DPP10: variants seen among roughly 807,000 people sequenced by gnomAD.
The protein encoded by DPP10 is dipeptidyl peptidase like 10.
A neutral mutation model predicts 120.9 loss-of-function variants in DPP10; 33 were observed. That is an observed-to-expected ratio of 0.27 (90% CI 0.21 to 0.37). DPP10 has a LOEUF of 0.37. Ranked by LOEUF, DPP10 falls within the 10% of genes least tolerant of loss-of-function variation. The probability of loss-of-function intolerance (pLI) is 1.00; values close to 1 mark genes in which losing one functional copy is unlikely to be tolerated. For missense variants in DPP10, 816 were observed against 942.8 expected (o/e 0.87, Z 1.76); for synonymous variants, 337 against 326.1 (o/e 1.03, Z -0.36).
intron 21 of DPP10, among the ~76,000 whole-genome samples, chr2:115,834,124 G>A (rs978991689): frequency 2.6e-5 from 4 of 152,106 alleles, no homozygotes; most frequent in Non-Finnish European, 1.5e-5. Context: ...TCAAGCTTCT[G>A]AGTACTATCT....
chr2:114,473,808 CACTG>C (rs1432995390), intron 1 of DPP10, among the ~76,000 whole-genome samples: 3 of 152,068 alleles, frequency 2.0e-5, no homozygotes, highest in Non-Finnish European at 4.4e-5. Context: ...GTAATGTAAA[CACTG>C]ACATTTAGTT....
At chr2:115,288,198 A>AT (rs199630988) in intron 1 of DPP10, among the ~76,000 whole-genome samples, 59 of 149,572 alleles carry the variant, frequency 3.9e-4, no homozygotes, top group African/African-American at 5.6e-4. Flanking sequence ...TTTAATTTAA[A>AT]TTTTTTTTTT....
intron 7 of DPP10, among the ~76,000 whole-genome samples, chr2:115,711,831 A>G (rs577026324): frequency 2.0e-5 from 3 of 151,274 alleles, no homozygotes; most frequent in African/African-American, 7.3e-5. Context: ...TGATCCATAT[A>G]TTAGTTCATT....
rs750467930 is a variant in DPP10 at position 115,162,067 on chromosome 2, G to T, written c.61-147172G>T. 13 of 1,465,846 alleles carry T rather than the reference G, an allele frequency of 8.9e-6. No individual in the cohort carries two copies. In the South Asian group the frequency reaches 1.8e-4, roughly 20 times the overall value. 90.8% of individuals were successfully genotyped at this position (1,465,846 alleles called of 1,614,324 possible). On this transcript the variant is annotated intron_variant, in intron 1 of 25. Transcript: ENST00000410059. ...GCCGCGGCCAGGCCCTCCCGGGAGG[G>T]GTGGCTCCAGTGCGCGCTCCGCCCG...
intron 1 of DPP10, among the ~76,000 whole-genome samples, chr2:114,964,211 G>A (rs1698843895): frequency 6.6e-6 from 1 of 152,134 alleles, no homozygotes; most frequent in African/African-American, 2.4e-5. Context: ...ATTTACAAAT[G>A]GGGAATTATT....
At chr2:115,622,122 A>G (rs745665349) in intron 5 of DPP10, among the ~76,000 whole-genome samples, 1 of 152,094 alleles carries the variant, frequency 6.6e-6, no homozygotes, top group Non-Finnish European at 1.5e-5. Flanking sequence ...CATTTTAACC[A>G]TCTTCTCCCC....
chr2:114,545,899 T>G (rs1436988364), intron 1 of DPP10, among the ~76,000 whole-genome samples: 4 of 152,192 alleles, frequency 2.6e-5, no homozygotes, highest in Non-Finnish European at 5.9e-5. Flanking sequence ...GTCTTTTATC[T>G]TTGCTGCTGC....
chr2:115,584,614 A>G (rs1374970753), intron 5 of DPP10, among the ~76,000 whole-genome samples: 2 of 152,174 alleles, frequency 1.3e-5, no homozygotes, highest in African/African-American at 2.4e-5. Context: ...CTTCCAATGC[A>G]ATATTATGTG....
At chr2:115,339,806 G>A (rs1187161196) in intron 2 of DPP10, among the ~76,000 whole-genome samples, 1 of 152,152 alleles carries the variant, frequency 6.6e-6, no homozygotes, top group Admixed American at 6.6e-5. Flanking sequence ...CAAGGGATTG[G>A]GTGGGGGACT....
At chr2:114,622,433 A>G (rs1221833951) in intron 1 of DPP10, among the ~76,000 whole-genome samples, 1 of 145,834 alleles carries the variant, frequency 6.9e-6, no homozygotes, top group Non-Finnish European at 1.5e-5. Flanking sequence ...TTTTTGCATT[A>G]CTTTACAATT....
intron 1 of DPP10, among the ~76,000 whole-genome samples, chr2:114,475,051 T>C (rs976326294): frequency 2.6e-5 from 4 of 152,232 alleles, no homozygotes; most frequent in African/African-American, 9.6e-5. Flanking sequence ...GGAGAAAGGC[T>C]TCTATAGAGC....
intron 1 of DPP10, among the ~76,000 whole-genome samples, chr2:114,520,697 ATCT>A (rs1174297367): frequency 6.6e-6 from 1 of 152,226 alleles, no homozygotes; most frequent in African/African-American, 2.4e-5. Context: ...AGCTAGTCTA[ATCT>A]TCTCTCTGTC....
chr2:115,377,670 G>T (rs963443102), intron 3 of DPP10, among the ~76,000 whole-genome samples: 14 of 152,080 alleles, frequency 9.2e-5, no homozygotes, highest in African/African-American at 3.1e-4. Flanking sequence ...TTCTTCTAGG[G>T]TTTTTATGGT....
chr2:114,580,457 T>C (rs1690404638), intron 1 of DPP10, among the ~76,000 whole-genome samples: 1 of 152,210 alleles, frequency 6.6e-6, no homozygotes, highest in Non-Finnish European at 1.5e-5. Flanking sequence ...CATTTTACTC[T>C]AGATCAAGGC....
intron 1 of DPP10, among the ~76,000 whole-genome samples, chr2:115,173,368 A>G (rs941293874): frequency 2.0e-5 from 3 of 149,994 alleles, no homozygotes; most frequent in African/African-American, 4.8e-5. Flanking sequence ...CAAAGCCATC[A>G]TGATATAAAA....
chr2:115,225,304 A>G (rs1207443810), intron 1 of DPP10, among the ~76,000 whole-genome samples: 1 of 152,040 alleles, frequency 6.6e-6, no homozygotes, highest in Non-Finnish European at 1.5e-5. Flanking sequence ...AACAGGTGAA[A>G]TTGCATGGTA....
At chr2:115,043,140 A>AT (rs1414632888) in intron 1 of DPP10, among the ~76,000 whole-genome samples, 17 of 152,186 alleles carry the variant, frequency 1.1e-4, no homozygotes, top group Non-Finnish European at 1.9e-4. Context: ...GAGCCAAACT[A>AT]TTTTTTTAGA....
chr2:115,484,819 A>T (rs1452089856), intron 3 of DPP10, among the ~76,000 whole-genome samples: 2 of 152,166 alleles, frequency 1.3e-5, no homozygotes, highest in African/African-American at 4.8e-5. Flanking sequence ...TCAAAAAGCA[A>T]TAAATAGTCC....
chr2:115,722,657 G>T (rs1217083225), intron 7 of DPP10, among the ~76,000 whole-genome samples: 1 of 151,982 alleles, frequency 6.6e-6, no homozygotes, highest in Non-Finnish European at 1.5e-5. Context: ...TAGACACGTA[G>T]AAAAGACACA....
Sources: gnomAD v4.1 joint callset for allele counts (sites outside exome capture counted in the v4.1 genomes callset) on GRCh38, gnomAD v4.1.1 for gene constraint, MANE v1.5 for transcripts, NCBI Gene and HGNC (gene_info 2026-07-23, HGNC 2026-07-21) for gene names.